TRMT61B: variants seen among roughly 807,000 people sequenced by gnomAD.
TRMT61B encodes tRNA methyltransferase 61B.
In TRMT61B, 56 loss-of-function variants were observed where a neutral mutation model predicts 52.0. The ratio of observed to expected loss-of-function variants is 1.08; its 90% CI spans 0.87 to 1.35. TRMT61B has a LOEUF of 1.35. Ranked by LOEUF, TRMT61B falls within the 40% of genes most tolerant of loss-of-function variation. The pLI is 0.00. For missense variants in TRMT61B, 650 were observed against 577.9 expected, an observed-to-expected ratio of 1.12 and a Z score of -1.28; for synonymous variants, 206 against 220.0, an observed-to-expected ratio of 0.94 and a Z score of 0.56.
At chr2:28,854,919 C>G (rs2148125598) in intron 3 of TRMT61B, among the ~76,000 whole-genome samples, 1 of 151,844 alleles carries the variant, frequency 6.6e-6, no homozygotes, top group East Asian at 1.9e-4. Flanking sequence ...GACCCTATCT[C>G]AAAACAAACA....
At chr2:28,865,465 G>C (rs182402045) in intron 1 of TRMT61B, among the ~76,000 whole-genome samples, 2 of 152,198 alleles carry the variant, frequency 1.3e-5, no homozygotes, top group Admixed American at 1.3e-4. Flanking sequence ...TGTTATCTCA[G>C]GAGAGATAGG....
At chr2:28,861,426 G>C (rs1669594860) in intron 2 of TRMT61B, 118 bp from the exon 3 acceptor site, 2 of 804,428 alleles carry the variant, frequency 2.5e-6, no homozygotes, top group Non-Finnish European at 3.7e-6. Flanking sequence ...ATAGTTCAAT[G>C]TTACAAGTCT....
intron 1 of TRMT61B, among the ~76,000 whole-genome samples, chr2:28,866,513 G>C (rs1183288504): frequency 6.6e-6 from 1 of 152,102 alleles, no homozygotes; most frequent in Non-Finnish European, 1.5e-5. Flanking sequence ...ACAAGAGTTT[G>C]CACTCCTATG....
intron 3 of TRMT61B, among the ~76,000 whole-genome samples, chr2:28,858,261 T>C (rs1669432985): frequency 6.6e-6 from 1 of 151,988 alleles, no homozygotes; most frequent in African/African-American, 2.4e-5. Flanking sequence ...AGGATGGTCT[T>C]GATCTCCTGG....
At chr2:28,853,458 G>A (rs1669208620) in intron 3 of TRMT61B, among the ~76,000 whole-genome samples, 1 of 152,102 alleles carries the variant, frequency 6.6e-6, no homozygotes, top group African/African-American at 2.4e-5. Context: ...TTACAGATGT[G>A]AACCGCTGCA....
rs754643932 is a variant in TRMT61B, at chr2:28,850,194, A to G, written c.*5T>C. On this transcript the variant is annotated 3_prime_UTR_variant, in exon 7 of 7. Coordinates refer to ENST00000306108, the MANE Select transcript of TRMT61B (RefSeq NM_017910.4). ...CTTCAAGTCAGTTACTGTCATCTGGAGTACTCAGTTAAGTTGTGGTTTGAC... is the reference window on the plus strand; with the variant it reads ...CTTCAAGTCAGTTACTGTCATCTGGGGTACTCAGTTAAGTTGTGGTTTGAC... 6.2e-7 allele frequency: 1 copy of G among 1,610,082 alleles called. No individual in the cohort carries two copies. Among genetic ancestry groups the G allele is most frequent in the Non-Finnish European group, 8.5e-7 (1 of 1,177,786 alleles).
At position 28,852,516 on chromosome 2, in the gene TRMT61B, G is replaced by A. The variant is rs761718476; in HGVS notation, c.994-17C>T. ...CAAAGCTACCTGTGTGGGGGAAAAA[G>A]AGAACTGGATCAGTCTGATTCCGTT... On this transcript the variant is annotated splice_polypyrimidine_tract_variant and intron_variant, in intron 3 of 6. Coordinates refer to ENST00000306108, the MANE Select transcript of TRMT61B (RefSeq NM_017910.4). The A allele has an allele frequency of 6.6e-7, 1 of 1,525,358 alleles. No individual in the cohort carries two copies. The highest frequency in any genetic ancestry group is 9.0e-7 in the Non-Finnish European group (1 of 1,107,582). 94.5% of individuals were successfully genotyped at this position (1,525,358 alleles called of 1,614,324 possible).
chr2:28,857,241 A>AT (rs35671202), intron 3 of TRMT61B, among the ~76,000 whole-genome samples: 61,246 of 150,246 alleles, frequency 0.41, 13,306 homozygotes, highest in Non-Finnish European at 0.51. Context: ...GCCCACAGCT[A>AT]TTTTTTTTTT....
At chr2:28,853,648 C>T (rs907028071) in intron 3 of TRMT61B, among the ~76,000 whole-genome samples, 7 of 151,738 alleles carry the variant, frequency 4.6e-5, no homozygotes, top group Non-Finnish European at 1.0e-4. Context: ...GTAGCCTGGC[C>T]AACATGGCAA....
At chr2:28,850,497 G>C (rs984866617) in intron 5 of TRMT61B, 92 bp from the exon 6 acceptor site, 2 of 835,154 alleles carry the variant, frequency 2.4e-6, no homozygotes, top group Non-Finnish European at 3.7e-6. Context: ...TCTCTTTATT[G>C]TAAGTTTTTT....
intron 5 of TRMT61B, 185 bp from the exon 6 acceptor site, chr2:28,850,590 A>G: frequency 1.9e-6 from 1 of 533,220 alleles, no homozygotes; most frequent in Non-Finnish European, 3.3e-6. Flanking sequence ...TATGTAATAA[A>G]CATATGATTT....
rs566002742 is a variant in TRMT61B at position 28,855,797 on chromosome 2, T to C, written c.994-3298A>G. Among the ~76,000 whole-genome samples the C allele has an allele frequency of 3.3e-5, 5 of 152,260 alleles. No individual in the cohort carries two copies. The South Asian group carries it at 8.3e-4, about 25-fold the overall frequency. On this transcript the variant is annotated intron_variant, in intron 3 of 6. Coordinates refer to ENST00000306108, the MANE Select transcript of TRMT61B (RefSeq NM_017910.4). Reference sequence around the variant, plus strand: ...CAACCTGGCCAACATGGTGAAACCCTGTCTCTACTAAAGATACAAAAAAAT... The same window carrying C: ...CAACCTGGCCAACATGGTGAAACCCCGTCTCTACTAAAGATACAAAAAAAT...
chr2:28,869,686 CG>C lies in TRMT61B; in HGVS notation c.591del (p.Gly198AlafsTer4), dbSNP rs749089152. 3.7e-6 allele frequency: 6 copies of C among 1,614,044 alleles called. No individual in the cohort carries two copies. Among genetic ancestry groups the C allele is most frequent in the Admixed American group, 1.7e-5 (1 of 60,006 alleles). ...VPFGKIVGKF[P>X]GQILRSSFGK... is the part of the protein sequence containing the mutation. ...CCGAAGGAACTCCTCAGTATCTGGC[CG>C]GGGAACTTCCCCACGATCTTGCCGA... On this transcript the variant is annotated frameshift_variant, in exon 1 of 7. Coordinates refer to ENST00000306108, the MANE Select transcript of TRMT61B (RefSeq NM_017910.4). LOFTEE classifies it high-confidence loss of function.
chr2:28,866,450 T>G (rs983385677), intron 1 of TRMT61B, among the ~76,000 whole-genome samples: 3 of 152,192 alleles, frequency 2.0e-5, no homozygotes, highest in Admixed American at 1.3e-4. Context: ...CATCAGGCAT[T>G]AGTTAGTTTC....
chr2:28,860,594 G>A (rs113384254), intron 3 of TRMT61B, among the ~76,000 whole-genome samples: 112 of 152,138 alleles, frequency 7.4e-4, no homozygotes, highest in African/African-American at 2.6e-3. Context: ...CAACTTCCCA[G>A]TGTTTCTCTT....
chr2:28,852,461 A>G lies in TRMT61B; in HGVS notation c.1032T>C (p.Pro344=). ...CATGCTTAAGATGTGGGTAAAAAACAGGCAAAGTAACATGAGGATTTAACA... is the reference window on the plus strand; with the variant it reads ...CATGCTTAAGATGTGGGTAAAAAACGGGCAAAGTAACATGAGGATTTAACA... ...LDMLNPHVTL[P]VFYPHLKHGG... is the part of the protein sequence containing the mutation. The change falls in exon 4 of 7, where the codon CCT becomes CCC. Residue 344 remains proline, a synonymous_variant. Transcript: ENST00000306108. 1 of 1,612,738 alleles carries G rather than the reference A, an allele frequency of 6.2e-7. No individual in the cohort carries two copies.
At chr2:28,864,540 A>C (rs1291313356) in intron 2 of TRMT61B, among the ~76,000 whole-genome samples, 1 of 152,182 alleles carries the variant, frequency 6.6e-6, no homozygotes, top group East Asian at 1.9e-4. Flanking sequence ...AGTTCGAAGG[A>C]GGCAAAACTA....
intron 3 of TRMT61B, among the ~76,000 whole-genome samples, chr2:28,859,024 A>T (rs1669479677): frequency 1.4e-5 from 2 of 146,046 alleles, no homozygotes; most frequent in Non-Finnish European, 3.0e-5. Context: ...CCTCCCAAGT[A>T]GCTGGGATTG....
chr2:28,863,516 T>C (rs1373456426), intron 2 of TRMT61B, among the ~76,000 whole-genome samples: 1 of 152,130 alleles, frequency 6.6e-6, no homozygotes, highest in Non-Finnish European at 1.5e-5. Context: ...CAATAAGTTC[T>C]TGCACATTTA....
Sources: allele counts gnomAD v4.1 joint callset (sites outside exome capture counted in the v4.1 genomes callset), GRCh38; gene constraint gnomAD v4.1.1; transcripts MANE v1.5; gene names NCBI Gene and HGNC (gene_info 2026-07-23, HGNC 2026-07-21).